Variants in ADCY2 observed in about 807,000 individuals in gnomAD.
ADCY2 encodes adenylate cyclase type 2.
ADCY2 carries 31 observed loss-of-function variants against 125.2 expected under a neutral mutation model. The observed-to-expected ratio is 0.25, with a 90% CI of 0.19 to 0.33. The LOEUF (loss-of-function observed/expected upper bound fraction) is 0.33, where lower values mean the gene tolerates loss of function less well. Among genes scored for constraint, ADCY2 ranks in the 10% least tolerant of loss-of-function variants. ADCY2 has a pLI of 1.00. For synonymous variants in ADCY2, 512 were observed against 548.4 expected (o/e 0.93, Z 0.93); for missense variants, 904 against 1,418.2 (o/e 0.64, Z 5.82).
chr5:7,736,960 T>G (rs1235179941), intron 14 of ADCY2, among the ~76,000 whole-genome samples: 1 of 152,142 alleles, frequency 6.6e-6, no homozygotes, highest in African/African-American at 2.4e-5. Context: ...AAGGAATATA[T>G]ACATATTTGC....
At chr5:7,752,911 T>C (rs78533715) in intron 15 of ADCY2, among the ~76,000 whole-genome samples, 1 of 150,240 alleles carries the variant, frequency 6.7e-6, no homozygotes, top group African/African-American at 2.4e-5. Context: ...TTTTTTTTTT[T>C]TTTCTGAGAC....
At chr5:7,464,992 A>G (rs150193221) in intron 2 of ADCY2, among the ~76,000 whole-genome samples, 5,259 of 152,284 alleles carry the variant, frequency 0.035, 294 homozygotes, top group African/African-American at 0.12. Flanking sequence ...CTTACATGGC[A>G]GCAGGCAAGA....
intron 14 of ADCY2, among the ~76,000 whole-genome samples, chr5:7,736,145 G>A (rs187261010): frequency 1.7e-4 from 26 of 152,274 alleles, no homozygotes; most frequent in Admixed American, 7.8e-4. Context: ...GCTGTAGCCC[G>A]GGAAGTAGAG....
chr5:7,606,228 T>C (rs1325547548), intron 3 of ADCY2, among the ~76,000 whole-genome samples: 1 of 152,208 alleles, frequency 6.6e-6, no homozygotes, highest in Non-Finnish European at 1.5e-5. Flanking sequence ...TACTTTTCTG[T>C]TCATATGTTT....
At chr5:7,644,602 AAACTCAG>A (rs1428393428) in intron 4 of ADCY2, among the ~76,000 whole-genome samples, 2 of 152,220 alleles carry the variant, frequency 1.3e-5, no homozygotes, top group East Asian at 3.9e-4. Context: ...TTAACACCAT[AAACTCAG>A]AATGTTCAAA....
At chr5:7,486,027 G>A (rs1742912574) in intron 2 of ADCY2, among the ~76,000 whole-genome samples, 2 of 152,128 alleles carry the variant, frequency 1.3e-5, no homozygotes, top group African/African-American at 2.4e-5. Flanking sequence ...TCTTATAAGG[G>A]AAAGTTCTGA....
At chr5:7,795,733 G>A (rs980961781) in intron 20 of ADCY2, 2 of 152,340 alleles carry the variant, frequency 1.3e-5, no homozygotes, top group African/African-American at 4.8e-5. Context: ...AATATTGCCG[G>A]TTTGGTTCCA....
intron 4 of ADCY2, among the ~76,000 whole-genome samples, chr5:7,663,353 C>T (rs150888898): frequency 1.5e-4 from 23 of 152,350 alleles, no homozygotes; most frequent in African/African-American, 5.0e-4. Context: ...ACCCTATTCA[C>T]GCCTAGCGTG....
chr5:7,661,306 A>G (rs1019690832), intron 4 of ADCY2, among the ~76,000 whole-genome samples: 9 of 152,240 alleles, frequency 5.9e-5, no homozygotes, highest in Non-Finnish European at 1.2e-4. Context: ...CTACTTTTTA[A>G]TAGCTCAAAA....
At chr5:7,819,409 A>G (rs1745224483) in intron 23 of ADCY2, among the ~76,000 whole-genome samples, 1 of 152,230 alleles carries the variant, frequency 6.6e-6, no homozygotes, top group Non-Finnish European at 1.5e-5. Flanking sequence ...GCTATTTGCC[A>G]GTCATATGTG....
chr5:7,481,030 T>C (rs1742710483), intron 2 of ADCY2, among the ~76,000 whole-genome samples: 1 of 152,126 alleles, frequency 6.6e-6, no homozygotes, highest in African/African-American at 2.4e-5. Context: ...ATATGGTAAC[T>C]CTATTTTTAG....
intron 2 of ADCY2, among the ~76,000 whole-genome samples, chr5:7,435,948 A>G (rs1308286762): frequency 6.6e-6 from 1 of 152,178 alleles, no homozygotes; most frequent in Non-Finnish European, 1.5e-5. Context: ...AAACCTCAAC[A>G]TTTTAGCCTT....
chr5:7,512,607 C>T (rs907532840), intron 2 of ADCY2, among the ~76,000 whole-genome samples: 6 of 152,268 alleles, frequency 3.9e-5, no homozygotes, highest in African/African-American at 1.4e-4. Context: ...GTGAAAATTG[C>T]ATCCACATAT....
intron 22 of ADCY2, among the ~76,000 whole-genome samples, chr5:7,806,293 T>C (rs1424130779): frequency 6.6e-6 from 1 of 152,146 alleles, no homozygotes; most frequent in African/African-American, 2.4e-5. Context: ...GCCTTTAATG[T>C]TCTGGAAAAC....
intron 2 of ADCY2, among the ~76,000 whole-genome samples, chr5:7,416,199 G>A (rs1441806100): frequency 1.3e-5 from 2 of 152,204 alleles, no homozygotes. Flanking sequence ...CCTCTGCCAA[G>A]CCATTATTCT....
At chr5:7,577,210 T>A (rs1386836920) in intron 3 of ADCY2, among the ~76,000 whole-genome samples, 1 of 152,136 alleles carries the variant, frequency 6.6e-6, no homozygotes, top group Non-Finnish European at 1.5e-5. Flanking sequence ...GGGAAAGCCT[T>A]TTAAAGAGGT....
intron 4 of ADCY2, among the ~76,000 whole-genome samples, chr5:7,665,676 G>A (rs1739688509): frequency 6.6e-6 from 1 of 151,870 alleles, no homozygotes; most frequent in Non-Finnish European, 1.5e-5. Context: ...CTTTCCTTAG[G>A]TCATCGCTGG....
chr5:7,819,120 G>C (rs1745214391), intron 23 of ADCY2, among the ~76,000 whole-genome samples: 1 of 152,068 alleles, frequency 6.6e-6, no homozygotes, highest in Non-Finnish European at 1.5e-5. Flanking sequence ...ATCTCTCCAC[G>C]TTCTTCTGCC....
chr5:7,418,323 T>C (rs969565843), intron 2 of ADCY2, among the ~76,000 whole-genome samples: 2 of 152,154 alleles, frequency 1.3e-5, no homozygotes, highest in African/African-American at 2.4e-5. Context: ...ATTTTGCAGG[T>C]TGGGAGGCCA....
Sources: allele counts gnomAD v4.1 joint callset (sites outside exome capture counted in the v4.1 genomes callset), GRCh38; gene constraint gnomAD v4.1.1; transcripts MANE v1.5; gene names NCBI Gene and HGNC (gene_info 2026-07-23, HGNC 2026-07-21).